NUBPL: variants seen among roughly 807,000 people sequenced by gnomAD.
The protein encoded by NUBPL is NUBP iron-sulfur cluster assembly factor, mitochondrial, also known as iron-sulfur cluster transfer protein NUBPL.
Under a neutral mutation model 45.7 loss-of-function variants are expected in NUBPL, and 31 were observed. That is an observed-to-expected ratio of 0.68 (90% CI 0.51 to 0.92). The LOEUF (loss-of-function observed/expected upper bound fraction) is 0.92. Ranked by LOEUF, NUBPL falls within the 40% of genes least tolerant of loss-of-function variation. The pLI is 0.00. For missense variants in NUBPL, 401 were observed against 398.7 expected (o/e 1.01, Z -0.05); for synonymous variants, 144 against 140.9 (o/e 1.02, Z -0.15).
chr14:31,565,967 A>G (rs2033424608), intron 3 of NUBPL, among the ~76,000 whole-genome samples: 2 of 152,208 alleles, frequency 1.3e-5, no homozygotes, highest in South Asian at 2.1e-4. Flanking sequence ...ATAACATTCA[A>G]CTTATTTGCA....
chr14:31,832,634 A>C (rs2040211444), intron 8 of NUBPL, among the ~76,000 whole-genome samples: 2 of 152,194 alleles, frequency 1.3e-5, no homozygotes, highest in Non-Finnish European at 2.9e-5. Flanking sequence ...CACTTAGAGA[A>C]CTATATTTTT....
At chr14:31,636,404 C>T (rs550717786) in intron 4 of NUBPL, among the ~76,000 whole-genome samples, 131 of 152,110 alleles carry the variant, frequency 8.6e-4, no homozygotes, top group African/African-American at 3.0e-3. Context: ...TATTGATTTG[C>T]GTATATTGAA....
chr14:31,596,406 A>C (rs2034284949), intron 3 of NUBPL, among the ~76,000 whole-genome samples: 3 of 152,212 alleles, frequency 2.0e-5, no homozygotes, highest in Non-Finnish European at 4.4e-5. Flanking sequence ...TACATTGTTG[A>C]ATGACTGAAT....
Position 31,771,267 on chromosome 14 carries a change from G to A in NUBPL, c.514-16513G>A, listed in dbSNP as rs546996510. ...AAAGACTCTCAAAGGATCATGTAAGGAAAGAATACTTACCTACCATTAAAA... is the reference window on the plus strand; with the variant it reads ...AAAGACTCTCAAAGGATCATGTAAGAAAAGAATACTTACCTACCATTAAAA... On this transcript the variant is annotated intron_variant, in intron 6 of 10. Transcript: ENST00000281081. Among the ~76,000 whole-genome samples, 4 of 151,976 alleles carry A rather than the reference G, an allele frequency of 2.6e-5. No homozygotes were observed. The East Asian group carries it at 7.7e-4, about 29-fold the overall frequency.
In NUBPL at chr14:31,627,023, G is replaced by A. The variant is rs568329041; in HGVS notation, c.382+27644G>A. Among the ~76,000 whole-genome samples the A allele has an allele frequency of 6.6e-5, 10 of 152,270 alleles. No homozygotes were observed. In the South Asian group the frequency reaches 2.1e-3, roughly 32 times the overall value. On this transcript the variant is annotated intron_variant, in intron 4 of 10. Transcript: ENST00000281081. ...GACCCATGGAATAAAAAAAGGTCTGGGAGGAGCTATTGGTAGTTGTTACCT... is the reference window on the plus strand; with the variant it reads ...GACCCATGGAATAAAAAAAGGTCTGAGAGGAGCTATTGGTAGTTGTTACCT...
chr14:31,586,030 T>C (rs1595320874), intron 3 of NUBPL, among the ~76,000 whole-genome samples: 1 of 152,306 alleles, frequency 6.6e-6, no homozygotes, highest in South Asian at 2.1e-4. Context: ...GAAAAATAAT[T>C]TTCCTTAAAC....
chr14:31,653,677 C>A (rs1039613669), intron 4 of NUBPL, among the ~76,000 whole-genome samples: 1 of 152,118 alleles, frequency 6.6e-6, no homozygotes, highest in African/African-American at 2.4e-5. Context: ...AATAGTGGTC[C>A]TGAGGTGACG....
At chr14:31,715,474 T>C (rs1031102) in intron 6 of NUBPL, among the ~76,000 whole-genome samples, 151,581 of 152,328 alleles carry the variant, frequency 1, 75,425 homozygotes, top group Middle Eastern at 1. Flanking sequence ...ACCACACACC[T>C]AGGCTCTATA....
intron 4 of NUBPL, among the ~76,000 whole-genome samples, chr14:31,601,360 C>G (rs541545941): frequency 6.6e-6 from 1 of 152,142 alleles, no homozygotes; most frequent in Non-Finnish European, 1.5e-5. Context: ...TGGCCATTTT[C>G]ATGATATTGA....
intron 2 of NUBPL, among the ~76,000 whole-genome samples, chr14:31,563,408 A>T (rs2033351921): frequency 6.6e-6 from 1 of 152,210 alleles, no homozygotes; most frequent in Non-Finnish European, 1.5e-5. Context: ...AAACAGGAAA[A>T]TGTATGAGAA....
intron 7 of NUBPL, among the ~76,000 whole-genome samples, chr14:31,810,591 T>C (rs147629615): frequency 6.6e-6 from 1 of 152,324 alleles, no homozygotes; most frequent in East Asian, 1.9e-4. Flanking sequence ...TCTGTGTCTT[T>C]TAAATGGGGC....
chr14:31,838,732 A>C (rs1033826476), intron 8 of NUBPL, among the ~76,000 whole-genome samples: 1 of 152,216 alleles, frequency 6.6e-6, no homozygotes, highest in Non-Finnish European at 1.5e-5. Context: ...AAGGTTAAAA[A>C]TAAATAACTT....
At chr14:31,711,966 C>T (rs919386428) in intron 6 of NUBPL, among the ~76,000 whole-genome samples, 4 of 152,130 alleles carry the variant, frequency 2.6e-5, no homozygotes, top group African/African-American at 4.8e-5. Context: ...TGAAGACCTT[C>T]GCAGTGAGTG....
chr14:31,677,217 G>A (rs1159673557), intron 6 of NUBPL, among the ~76,000 whole-genome samples: 1 of 152,080 alleles, frequency 6.6e-6, no homozygotes, highest in Non-Finnish European at 1.5e-5. Flanking sequence ...ATTTTAAAAT[G>A]TACCATCAAA....
At chr14:31,694,081 T>G (rs552663380) in intron 6 of NUBPL, among the ~76,000 whole-genome samples, 2 of 151,974 alleles carry the variant, frequency 1.3e-5, no homozygotes, top group Non-Finnish European at 2.9e-5. Flanking sequence ...GGTCTTGATC[T>G]CCTGACCTCG....
intron 8 of NUBPL, among the ~76,000 whole-genome samples, chr14:31,831,468 T>TACC (rs1555342391): frequency 2.8e-5 from 4 of 143,060 alleles, no homozygotes; most frequent in East Asian, 2.1e-4. Context: ...TATACTGTAC[T>TACC]ATACCATACC....
intron 6 of NUBPL, among the ~76,000 whole-genome samples, chr14:31,729,519 A>G (rs1185268514): frequency 2.0e-5 from 3 of 152,140 alleles, no homozygotes; most frequent in African/African-American, 7.2e-5. Flanking sequence ...CAAATTTTTA[A>G]TGTTTATTGG....
intron 3 of NUBPL, chr14:31,577,958 A>C (rs565045339): frequency 7.8e-7 from 1 of 1,288,944 alleles, no homozygotes; most frequent in East Asian, 5.5e-5. Flanking sequence ...GACTTTCACA[A>C]GGTCGGGGAC....
intron 10 of NUBPL, 66 bp from the exon 11 acceptor site, chr14:31,859,052 C>G: frequency 7.1e-7 from 1 of 1,400,112 alleles, no homozygotes; most frequent in Non-Finnish European, 1.0e-6. Flanking sequence ...CTATAACAAA[C>G]AGTTGATGAG....
Sources: allele counts gnomAD v4.1 joint callset (sites outside exome capture counted in the v4.1 genomes callset), GRCh38; gene constraint gnomAD v4.1.1; transcripts MANE v1.5; gene names NCBI Gene and HGNC (gene_info 2026-07-23, HGNC 2026-07-21).